Variants in RNF20 observed in about 807,000 individuals in gnomAD.
RNF20 encodes the protein E3 ubiquitin-protein ligase BRE1A.
A neutral mutation model predicts 126.2 loss-of-function variants in RNF20; 84 were observed. The ratio of observed to expected loss-of-function variants is 0.67; its 90% CI spans 0.56 to 0.80. The LOEUF is 0.80. Ranked by LOEUF, RNF20 falls within the 30% of genes least tolerant of loss-of-function variation. RNF20 has a pLI of 0.00. For synonymous variants in RNF20, 400 were observed against 414.3 expected (o/e 0.97, Z 0.42); for missense variants, 869 against 1,188.2 (o/e 0.73, Z 3.95).
intron 5 of RNF20, among the ~76,000 whole-genome samples, chr9:101,542,441 C>G (rs973424794): frequency 3.9e-5 from 6 of 152,182 alleles, no homozygotes; most frequent in African/African-American, 1.4e-4. Context: ...ATGTCCCCAG[C>G]TAAACTGTGT....
In RNF20 at chr9:101,562,466, T is replaced by C. The variant is rs763992624; in HGVS notation, c.*44T>C. 8.4e-6 allele frequency: 13 copies of C among 1,555,918 alleles called. No individual in the cohort carries two copies. Among genetic ancestry groups the C allele is most frequent in the South Asian group, 5.8e-5 (5 of 86,468 alleles). On this transcript the variant is annotated 3_prime_UTR_variant, in exon 20 of 20. Coordinates refer to ENST00000389120, the MANE Select transcript of RNF20 (RefSeq NM_019592.7). ...GAGGAGCTGGCTAGTCAGGAACTTATTCATTAACCACCAAACCTCTACCTC... is the reference window on the plus strand; with the variant it reads ...GAGGAGCTGGCTAGTCAGGAACTTACTCATTAACCACCAAACCTCTACCTC...
chr9:101,539,383 G>C (rs1249446123), intron 2 of RNF20, among the ~76,000 whole-genome samples: 1 of 152,138 alleles, frequency 6.6e-6, no homozygotes, highest in African/African-American at 2.4e-5. Flanking sequence ...GACAGAGATA[G>C]AATAAAAGGA....
At chr9:101,557,184 T>C (rs1827549298) in intron 15 of RNF20, among the ~76,000 whole-genome samples, 200 bp from the exon 16 acceptor site, 2 of 152,216 alleles carry the variant, frequency 1.3e-5, no homozygotes, top group Non-Finnish European at 2.9e-5. Context: ...GATCAACTAA[T>C]AAGTATCAGA....
At chr9:101,549,284 G>A (rs1827403744) in intron 9 of RNF20, among the ~76,000 whole-genome samples, 1 of 152,198 alleles carries the variant, frequency 6.6e-6, no homozygotes. Flanking sequence ...TGGGTCACAT[G>A]TCCACTGGAC....
rs1347124361 is a variant in RNF20 at position 101,550,592 on chromosome 9, T to C, written c.1093-14T>C. ...CTAGATTCTGCTTCTGACTTTGCTT[T>C]GGGCCCTCCTAAGGTGGAATTGCGG... On this transcript the variant is annotated splice_polypyrimidine_tract_variant and intron_variant, in intron 9 of 19. Coordinates refer to ENST00000389120, the MANE Select transcript of RNF20 (RefSeq NM_019592.7). 6.2e-7 allele frequency: 1 copy of C among 1,607,996 alleles called. No homozygotes were observed. The highest frequency in any genetic ancestry group is 2.2e-5 in the East Asian group (1 of 44,788).
intron 10 of RNF20, 122 bp downstream of exon 10, chr9:101,550,907 G>T (rs2118710998): frequency 3.3e-6 from 3 of 903,388 alleles, no homozygotes; most frequent in Non-Finnish European, 5.5e-6. Context: ...GTGGCAGTAG[G>T]TCTTTACTCT....
chr9:101,551,797 C>G lies in RNF20; in HGVS notation c.1386C>G (p.Thr462=). 6.2e-7 allele frequency: 1 copy of G among 1,608,664 alleles called. No homozygotes were observed. Among genetic ancestry groups the G allele is most frequent in the Non-Finnish European group, 8.5e-7 (1 of 1,178,440 alleles). Residue 462 remains threonine (T), a synonymous_variant, in exon 11 of 20, where the codon ACC becomes ACG. Transcript: ENST00000389120. ...YEMLRIEFEQ[T]LAANEQAGPI... ...TGCTGAGGATAGAATTTGAGCAGAC[C>G]CTTGCTGCCAATGAACAAGCAGGTA... is the stretch of plus-strand genomic sequence containing the variant.
At chr9:101,543,989 A>T (rs1266773167) in intron 5 of RNF20, among the ~76,000 whole-genome samples, 1 of 152,226 alleles carries the variant, frequency 6.6e-6, no homozygotes, top group Non-Finnish European at 1.5e-5. Context: ...TTCTGTATTG[A>T]TACTAAGAGT....
chr9:101,551,415 A>G (rs1827442640), intron 10 of RNF20, among the ~76,000 whole-genome samples: 1 of 152,216 alleles, frequency 6.6e-6, no homozygotes, highest in Non-Finnish European at 1.5e-5. Context: ...CTTTTAATAT[A>G]TGCCTGACAA....
rs761976547 is a variant in RNF20, at chr9:101,561,843, C to G, written c.2650-67C>G. ...TCTTTTCACAACAGAAAACTCAAGTCTATTATTTTTCTCAAAAATGATAGA... is the reference window on the plus strand; with the variant it reads ...TCTTTTCACAACAGAAAACTCAAGTGTATTATTTTTCTCAAAAATGATAGA... On this transcript the variant is annotated intron_variant, in intron 18 of 19. Transcript: ENST00000389120. 188 of 1,052,686 alleles carry G rather than the reference C, an allele frequency of 1.8e-4. 1 individual carries two copies. The Middle Eastern group carries it at 8.2e-3, about 46-fold the overall frequency. 65.2% of individuals were successfully genotyped at this position (1,052,686 alleles called of 1,614,324 possible).
intron 2 of RNF20, among the ~76,000 whole-genome samples, chr9:101,539,276 G>A (rs1211438380): frequency 6.6e-6 from 1 of 152,202 alleles, no homozygotes; most frequent in Non-Finnish European, 1.5e-5. Context: ...AAAGGCACCG[G>A]TTTCGGTGGT....
At position 101,557,401 on chromosome 9, in the gene RNF20, C is replaced by G; in HGVS notation, c.2187C>G (p.Leu729=). ...AMAKQEEEAL[L]SEMDVTGQAF... ...TCCTTTAGGAAGAAGAAGCACTCCTCTCTGAAATGGATGTCACAGGCCAGG... is the reference window on the plus strand; with the variant it reads ...TCCTTTAGGAAGAAGAAGCACTCCTGTCTGAAATGGATGTCACAGGCCAGG... Residue 729 remains leucine, a synonymous_variant, in exon 16 of 20, where the codon CTC becomes CTG. Transcript: ENST00000389120. 1.2e-6 allele frequency: 2 copies of G among 1,613,468 alleles called. No homozygotes were observed. Among genetic ancestry groups the G allele is most frequent in the Non-Finnish European group, 1.7e-6 (2 of 1,179,464 alleles).
intron 10 of RNF20, 38 bp downstream of exon 10, chr9:101,550,823 T>C: frequency 6.3e-7 from 1 of 1,589,920 alleles, no homozygotes; most frequent in Non-Finnish European, 8.6e-7. Context: ...GTAAGCTTTC[T>C]TGCCTCCTAA....
Position 101,552,172 on chromosome 9 carries a change from CA to C in RNF20, c.1441del (p.Ser481ValfsTer10). 1 of 1,614,126 alleles carries C rather than the reference CA, an allele frequency of 6.2e-7. No homozygotes were observed. Among genetic ancestry groups the C allele is most frequent in the Non-Finnish European group, 8.5e-7 (1 of 1,180,018 alleles). On this transcript the variant is annotated frameshift_variant, in exon 12 of 20. Coordinates refer to ENST00000389120, the MANE Select transcript of RNF20 (RefSeq NM_019592.7). LOFTEE classifies it high-confidence loss of function. The stretch of plus-strand genomic sequence containing the variant: ...TAAACAGGGAGATGCGCCACCTCAT[CA>C]GTAGCCTCCAGAATCACAATCACCA... ...PINREMRHLI[S>X]SLQNHNHQLK...
rs779172635 is a variant in RNF20 at position 101,561,222 on chromosome 9, C to T, written c.2641C>T (p.Arg881Ter). Reference sequence around the variant, plus strand: ...AGAAAAGGACATGTTCAATTTCAAACGAGCCCAGGTAAAAGCAGTTGTCTT... The same window carrying T: ...AGAAAAGGACATGTTCAATTTCAAATGAGCCCAGGTAAAAGCAGTTGTCTT... ...TKEKDMFNFKRAQEDISRLRR... is the reference protein window; with the variant it reads ...TKEKDMFNFK The change falls in exon 18 of 20, where the codon CGA (arginine) becomes TGA (stop). Residue 881 changes from arginine to a stop codon, truncating the protein, a stop_gained. Transcript: ENST00000389120. LOFTEE classifies it high-confidence loss of function. 4 of 1,613,412 alleles carry T rather than the reference C, an allele frequency of 2.5e-6. No individual in the cohort carries two copies. Among genetic ancestry groups the T allele is most frequent in the Non-Finnish European group, 3.4e-6 (4 of 1,179,638 alleles).
chr9:101,545,585 G>A (rs1042974887), intron 6 of RNF20, among the ~76,000 whole-genome samples: 1 of 152,146 alleles, frequency 6.6e-6, no homozygotes, highest in Admixed American at 6.5e-5. Flanking sequence ...TTCTTCATAT[G>A]CCTTTGTTTA....
chr9:101,544,371 C>T (rs1457582065), intron 5 of RNF20, among the ~76,000 whole-genome samples: 4 of 152,310 alleles, frequency 2.6e-5, no homozygotes, highest in South Asian at 4.1e-4. Context: ...AGGATTACAG[C>T]GTGAGCTGCT....
At chr9:101,540,043 A>C (rs1164375301) in intron 2 of RNF20, 160 bp from the exon 3 acceptor site, 1 of 665,546 alleles carries the variant, frequency 1.5e-6, no homozygotes, top group South Asian at 2.0e-5. Flanking sequence ...CCTGTTGTTT[A>C]TCTCTTCTGC....
chr9:101,535,655 A>G, intron 2 of RNF20, 103 bp downstream of exon 2: 1 of 1,295,602 alleles, frequency 7.7e-7, no homozygotes. Context: ...AGCTATTTGA[A>G]AAGAAGAGGG....
Sources: gnomAD v4.1 joint callset for allele counts (sites outside exome capture counted in the v4.1 genomes callset) on GRCh38, gnomAD v4.1.1 for gene constraint, MANE v1.5 for transcripts, NCBI Gene and HGNC (gene_info 2026-07-23, HGNC 2026-07-21) for gene names.